The following TMEM266 variants were observed in gnomAD, a reference collection of about 807,000 sequenced individuals.
TMEM266 encodes the protein Hv1 related protein 1.
Under a neutral mutation model 50.5 loss-of-function variants are expected in TMEM266, and 33 were observed. The ratio of observed to expected loss-of-function variants is 0.65; its 90% CI spans 0.50 to 0.87. The LOEUF is 0.87. Ranked by LOEUF, TMEM266 falls within the 40% of genes least tolerant of loss-of-function variation. The pLI, the probability that TMEM266 is intolerant of heterozygous loss-of-function variation, is 0.00. For missense variants in TMEM266, 655 were observed against 695.1 expected, an observed-to-expected ratio of 0.94 and a Z score of 0.65; for synonymous variants, 310 against 292.3, an observed-to-expected ratio of 1.06 and a Z score of -0.62.
chr15:76,118,847 C>T (rs1039375653), intron 1 of TMEM266, among the ~76,000 whole-genome samples: 5 of 152,202 alleles, frequency 3.3e-5, no homozygotes. Flanking sequence ...AGGGGGACAG[C>T]TCCGAGTGGG....
At chr15:76,111,925 T>A (rs1468259802) in intron 1 of TMEM266, 1 of 152,216 alleles carries the variant, frequency 6.6e-6, no homozygotes, top group African/African-American at 2.4e-5. Flanking sequence ...AATACATCCA[T>A]ATAATGCAAT....
In TMEM266 at chr15:76,204,125, C is replaced by CT; in HGVS notation, c.1406_1407insT (p.Ser471LeufsTer60). 1 of 1,613,074 alleles carries CT rather than the reference C, an allele frequency of 6.2e-7. No homozygotes were observed. Among genetic ancestry groups the CT allele is most frequent in the Non-Finnish European group, 8.5e-7 (1 of 1,179,696 alleles). On this transcript the variant is annotated frameshift_variant, in exon 11 of 11. Transcript: ENST00000388942. LOFTEE classifies it high-confidence loss of function. Reference sequence around the variant, plus strand: ...GCCCCCCTCGCCCGGCCCAGCCCAGCGGGCTCGGCCCAAACCAGCCCCGAG... The same window carrying CT: ...GCCCCCCTCGCCCGGCCCAGCCCAGCTGGGCTCGGCCCAAACCAGCCCCGAG...
intron 9 of TMEM266, 62 bp downstream of exon 9, chr15:76,192,219 C>T: frequency 7.3e-7 from 1 of 1,370,166 alleles, no homozygotes; most frequent in Non-Finnish European, 9.4e-7. Context: ...TCGCCTCCCT[C>T]TCGCGCCCCG....
intron 3 of TMEM266, among the ~76,000 whole-genome samples, chr15:76,140,387 C>T (rs181884065): frequency 6.6e-6 from 1 of 152,340 alleles, no homozygotes; most frequent in Admixed American, 6.5e-5. Context: ...CCCAAAATGT[C>T]CAACCCGGCC....
At chr15:76,198,289 T>C (rs2038686237) in intron 9 of TMEM266, among the ~76,000 whole-genome samples, 1 of 152,228 alleles carries the variant, frequency 6.6e-6, no homozygotes, top group Non-Finnish European at 1.5e-5. Context: ...GCCCATTCTT[T>C]CCTGCCCCTC....
chr15:76,066,511 T>C (rs2036422567), intron 1 of TMEM266, among the ~76,000 whole-genome samples: 1 of 152,092 alleles, frequency 6.6e-6, no homozygotes, highest in African/African-American at 2.4e-5. Context: ...ATCAAATCTA[T>C]CAACCCTTCA....
intron 9 of TMEM266, among the ~76,000 whole-genome samples, chr15:76,200,781 G>C (rs1385375333): frequency 1.3e-5 from 2 of 152,228 alleles, no homozygotes; most frequent in African/African-American, 4.8e-5. Flanking sequence ...GCTGCAAGAA[G>C]AGTGTAGCTG....
At chr15:76,173,626 TA>T (rs2038220993) in intron 7 of TMEM266, among the ~76,000 whole-genome samples, 1 of 152,126 alleles carries the variant, frequency 6.6e-6, no homozygotes, top group Non-Finnish European at 1.5e-5. Flanking sequence ...CACAGAAGCG[TA>T]TTTCATTCAC....
At chr15:76,193,229 C>T (rs886795064) in intron 9 of TMEM266, among the ~76,000 whole-genome samples, 3 of 130,258 alleles carry the variant, frequency 2.3e-5, no homozygotes, top group Non-Finnish European at 4.9e-5. Flanking sequence ...TTTTGGGAAA[C>T]GAATGGTTGC....
chr15:76,124,679 G>T (rs893383040), intron 1 of TMEM266, among the ~76,000 whole-genome samples: 1 of 152,064 alleles, frequency 6.6e-6, no homozygotes, highest in Non-Finnish European at 1.5e-5. Flanking sequence ...CGTGCCTGTT[G>T]TCCCAGCTAC....
chr15:76,137,669 A>G, intron 2 of TMEM266, 38 bp from the exon 3 acceptor site: 1 of 1,602,392 alleles, frequency 6.2e-7, no homozygotes, highest in Non-Finnish European at 8.5e-7. Context: ...TGGCCCTTGA[A>G]GATAACTCTT....
In TMEM266 at chr15:76,134,286, A is replaced by T. The variant is rs1489075341; in HGVS notation, c.23A>T (p.Asn8Ile). Residue 8 changes from asparagine (N) to isoleucine (I), a missense_variant, in exon 2 of 11, where the codon AAC becomes ATC. Physicochemically the swap from Asn to Ile is moderately radical, Grantham distance 149. Around this residue, in one of 3 missense-constraint regions of TMEM266, gnomAD observed 99 missense variants for 110.8 expected, o/e 0.89. Transcript: ENST00000388942. ...CCCATGGCTGTGGCTCCATCTTTCA[A>T]CATGACCAATCCACAGTAAGTAATG... 3.1e-6 allele frequency: 5 copies of T among 1,613,936 alleles called. No homozygotes were observed. Among genetic ancestry groups the T allele is most frequent in the Non-Finnish European group, 4.2e-6 (5 of 1,179,940 alleles).
At chr15:76,085,499 A>G (rs984983215) in intron 1 of TMEM266, among the ~76,000 whole-genome samples, 6 of 151,842 alleles carry the variant, frequency 4.0e-5, no homozygotes, top group Admixed American at 3.3e-4. Context: ...ACCTCAGTTG[A>G]TCCACCTGCC....
chr15:76,152,779 G>C (rs118041938), intron 3 of TMEM266, among the ~76,000 whole-genome samples: 1 of 152,176 alleles, frequency 6.6e-6, no homozygotes, highest in East Asian at 1.9e-4. Context: ...CCAGCTCTGC[G>C]TGTCTTCCTT....
At chr15:76,165,693 G>A (rs1026191353) in intron 5 of TMEM266, among the ~76,000 whole-genome samples, 4 of 152,156 alleles carry the variant, frequency 2.6e-5, no homozygotes, top group African/African-American at 7.2e-5. Context: ...CGTGTGCCTC[G>A]CTGAGCTCTG....
intron 1 of TMEM266, among the ~76,000 whole-genome samples, chr15:76,115,195 C>G (rs2142014558): frequency 6.6e-6 from 1 of 152,256 alleles, no homozygotes; most frequent in Non-Finnish European, 1.5e-5. Context: ...ACGCCACCTC[C>G]CTAATTTTAA....
In TMEM266 at chr15:76,070,206, C is replaced by T. The variant is rs189374729; in HGVS notation, c.-97+10190C>T. ...AGAGGCTGAGGTTCTATTTAGCATT[C>T]TGTTCATAGTCATGGATGGCTGCTT... On this transcript the variant is annotated intron_variant, in intron 1 of 10. Transcript: ENST00000388942. 2.0e-3 allele frequency among the ~76,000 whole-genome samples: 299 copies of T among 152,286 alleles called. 2 individuals carry two copies. The highest frequency in any genetic ancestry group is 6.8e-3 in the African/African-American group (282 of 41,556).
Position 76,203,721 on chromosome 15 carries a change from G to A in TMEM266, c.1022-20G>A. 6.2e-7 allele frequency: 1 copy of A among 1,600,742 alleles called. No individual in the cohort carries two copies. The highest frequency in any genetic ancestry group is 2.2e-5 in the East Asian group (1 of 44,694). ...GTGGCAGAGGTTGAAGTGTGACCAA[G>A]ATCCCCTCCTACCTTGCAGACAGCG... On this transcript the variant is annotated intron_variant, in intron 10 of 10. Transcript: ENST00000388942.
intron 1 of TMEM266, among the ~76,000 whole-genome samples, chr15:76,123,869 T>C (rs2037379761): frequency 6.6e-6 from 1 of 152,128 alleles, no homozygotes; most frequent in African/African-American, 2.4e-5. Context: ...TGTGCCACCA[T>C]GCCTGACTAA....
Sources: gnomAD v4.1 joint callset for allele counts (sites outside exome capture counted in the v4.1 genomes callset) on GRCh38, gnomAD v4.1.1 for gene constraint, gnomAD v4.1.1 regional missense constraint, MANE v1.5 for transcripts, NCBI Gene and HGNC (gene_info 2026-07-23, HGNC 2026-07-21) for gene names.